The following NRXN1 variants were observed in gnomAD, a reference collection of about 807,000 sequenced individuals.
NRXN1 encodes the protein neurexin 1.
In NRXN1, 39 loss-of-function variants were observed where a neutral mutation model predicts 150.9. The observed-to-expected ratio is 0.26, with a 90% confidence interval of 0.20 to 0.34. The LOEUF is 0.34. NRXN1 is among the 10% of genes least tolerant of loss of function. The pLI is 1.00. For missense variants in NRXN1, 1,815 were observed against 1,949.9 expected (o/e 0.93, Z 1.30); for synonymous variants, 924 against 757.0 (o/e 1.22, Z -3.62).
At chr2:50,442,390 T>C (rs1243408259) in intron 17 of NRXN1, among the ~76,000 whole-genome samples, 1 of 152,180 alleles carries the variant, frequency 6.6e-6, no homozygotes, top group African/African-American at 2.4e-5. Flanking sequence ...AAATTTCCTT[T>C]GTTGTAACTT....
intron 18 of NRXN1, among the ~76,000 whole-genome samples, chr2:50,137,460 G>C (rs1706596966): frequency 1.3e-5 from 2 of 152,078 alleles, no homozygotes; most frequent in Non-Finnish European, 2.9e-5. Flanking sequence ...GAAATTCCAA[G>C]CAAAGCCTCT....
chr2:50,118,105 A>C (rs1703323153), intron 18 of NRXN1, among the ~76,000 whole-genome samples: 1 of 152,220 alleles, frequency 6.6e-6, no homozygotes, highest in South Asian at 2.1e-4. Flanking sequence ...AAAATACAAA[A>C]GTAAGATCTT....
chr2:50,919,679 C>A (rs914698548), intron 5 of NRXN1: 1 of 152,456 alleles, frequency 6.6e-6, no homozygotes, highest in African/African-American at 2.4e-5. Context: ...CCAGACTTAA[C>A]CCCGATTTTA....
chr2:50,546,800 T>C (rs777733120), intron 9 of NRXN1, among the ~76,000 whole-genome samples: 10 of 152,190 alleles, frequency 6.6e-5, no homozygotes, highest in Non-Finnish European at 1.0e-4. Flanking sequence ...CTCTGATGAA[T>C]AGTGGTTTAT....
chr2:49,943,109 A>G (rs558426753), intron 22 of NRXN1, among the ~76,000 whole-genome samples: 15 of 152,230 alleles, frequency 9.9e-5, no homozygotes, highest in Non-Finnish European at 1.9e-4. Flanking sequence ...CGTTAGTCAC[A>G]TCAGAAGATG....
At chr2:50,159,637 C>T (rs900854944) in intron 18 of NRXN1, among the ~76,000 whole-genome samples, 16 of 152,086 alleles carry the variant, frequency 1.1e-4, no homozygotes, top group African/African-American at 3.9e-4. Flanking sequence ...CATTGCCAAG[C>T]CATTGGTAGT....
In NRXN1 at chr2:49,921,151, G is replaced by C. The variant is rs199734969; in HGVS notation, c.*793C>G. ...TTTTCTATACAACAGGCTATAAAACGTCACTTATCACAGTCCAGAAAGCAC... is the reference window on the plus strand; with the variant it reads ...TTTTCTATACAACAGGCTATAAAACCTCACTTATCACAGTCCAGAAAGCAC... On this transcript the variant is annotated 3_prime_UTR_variant, in exon 23 of 23. Transcript: ENST00000401669. 6.6e-6 allele frequency: 1 copy of C among 152,476 alleles called. No homozygotes were observed. Among genetic ancestry groups the C allele is most frequent in the Admixed American group, 6.5e-5 (1 of 15,276 alleles). The allele number at this position is 152,476 out of a possible 1,614,324, so 9.4% of individuals were successfully genotyped here. A position where few individuals can be genotyped will look rare whatever the true frequency, so the allele number is the denominator to read the frequency against.
At chr2:50,833,565 G>C (rs1247928229) in intron 5 of NRXN1, among the ~76,000 whole-genome samples, 1 of 152,162 alleles carries the variant, frequency 6.6e-6, no homozygotes, top group African/African-American at 2.4e-5. Flanking sequence ...CACATGTTAT[G>C]ATTACATTTA....
intron 17 of NRXN1, among the ~76,000 whole-genome samples, chr2:50,313,505 T>C (rs2075344731): frequency 2.6e-5 from 4 of 152,132 alleles, no homozygotes; most frequent in South Asian, 2.1e-4. Flanking sequence ...ATTTACCTGA[T>C]AATCTGTTCT....
At position 50,538,402 on chromosome 2, in the gene NRXN1, G is replaced by C. The variant is rs1217472819; in HGVS notation, c.1994C>G (p.Thr665Ser). Reference sequence around the variant, plus strand: ...TGAGCAGGAAGGCTTCACTCCAGCAGTACTTTGAACTTCAGCCATTTGCCG... The same window carrying C: ...TGAGCAGGAAGGCTTCACTCCAGCACTACTTTGAACTTCAGCCATTTGCCG... ...DIRQMAEVQS[T>S]AGVKPSCSKE... The change falls in exon 10 of 23, where the codon ACT (threonine) becomes AGT (serine). Residue 665 changes from threonine (T) to serine (S), a missense_variant. Physicochemically the swap from Thr to Ser is moderately conservative, Grantham distance 58. This residue lies in a region of NRXN1 where 638 missense variants were observed against 652.6 expected (regional missense o/e 0.98). Transcript: ENST00000401669. The C allele has an allele frequency of 1.2e-6, 2 of 1,614,014 alleles. No individual in the cohort carries two copies. Among genetic ancestry groups the C allele is most frequent in the Non-Finnish European group, 1.7e-6 (2 of 1,179,884 alleles).
intron 18 of NRXN1, among the ~76,000 whole-genome samples, chr2:50,204,108 A>G (rs1157640524): frequency 6.6e-6 from 1 of 152,122 alleles, no homozygotes; most frequent in African/African-American, 2.4e-5. Flanking sequence ...TCCAATAATC[A>G]GTCTTTCGCC....
intron 5 of NRXN1, among the ~76,000 whole-genome samples, chr2:50,704,893 C>G (rs1055729522): frequency 6.6e-6 from 1 of 151,830 alleles, no homozygotes; most frequent in Non-Finnish European, 1.5e-5. Context: ...ATATTTTTCT[C>G]ACGAAAACCT....
intron 17 of NRXN1, among the ~76,000 whole-genome samples, chr2:50,257,139 A>C (rs2067780666): frequency 6.6e-6 from 1 of 152,128 alleles, no homozygotes; most frequent in Non-Finnish European, 1.5e-5. Context: ...AAAGAGATTA[A>C]TATTCAAAGA....
chr2:50,050,670 C>T (rs1425371700), intron 21 of NRXN1, among the ~76,000 whole-genome samples: 2 of 151,914 alleles, frequency 1.3e-5, no homozygotes, highest in African/African-American at 4.8e-5. Flanking sequence ...ATTTAAACTT[C>T]CTGGTTTAAA....
intron 21 of NRXN1, among the ~76,000 whole-genome samples, chr2:49,984,736 C>CACACAA (rs1680614187): frequency 6.6e-6 from 1 of 151,886 alleles, no homozygotes; most frequent in Non-Finnish European, 1.5e-5. Context: ...CACACACACA[C>CACACAA]ACACACACAC....
At chr2:50,460,211 A>G (rs1305803122) in intron 17 of NRXN1, among the ~76,000 whole-genome samples, 1 of 152,106 alleles carries the variant, frequency 6.6e-6, no homozygotes, top group African/African-American at 2.4e-5. Context: ...GAAGAGTGCT[A>G]ACATTTGAGC....
At chr2:50,716,580 G>T (rs1158329523) in intron 5 of NRXN1, among the ~76,000 whole-genome samples, 1 of 152,082 alleles carries the variant, frequency 6.6e-6, no homozygotes, top group Admixed American at 6.6e-5. Flanking sequence ...CCATCTGCCA[G>T]CTCATTTGCT....
intron 5 of NRXN1, among the ~76,000 whole-genome samples, chr2:50,818,177 C>A (rs1574583127): frequency 3.1e-5 from 4 of 131,020 alleles, no homozygotes; most frequent in African/African-American, 5.6e-5. Flanking sequence ...ACAAAGTCAA[C>A]ATACAAAAAC....
chr2:50,002,009 G>C (rs1159935784), intron 21 of NRXN1, among the ~76,000 whole-genome samples: 1 of 151,892 alleles, frequency 6.6e-6, no homozygotes, highest in Non-Finnish European at 1.5e-5. Flanking sequence ...TAAGAGTTGA[G>C]GGCCTCAGTT....
Sources: gnomAD v4.1 joint callset for allele counts (sites outside exome capture counted in the v4.1 genomes callset) on GRCh38, gnomAD v4.1.1 for gene constraint, gnomAD v4.1.1 regional missense constraint, MANE v1.5 for transcripts, NCBI Gene and HGNC (gene_info 2026-07-23, HGNC 2026-07-21) for gene names.